Variants in CDK14 observed in about 807,000 individuals in gnomAD.
The protein encoded by CDK14 is cyclin dependent kinase 14.
CDK14 carries 34 observed loss-of-function variants against 60.7 expected under a neutral mutation model. The observed-to-expected ratio is 0.56, with a 90% CI of 0.43 to 0.75. CDK14 has a LOEUF of 0.75. Among genes scored for constraint, CDK14 ranks in the 30% least tolerant of loss-of-function variants. The pLI is 0.00. For synonymous variants in CDK14, 197 were observed against 203.7 expected (o/e 0.97, Z 0.28); for missense variants, 482 against 564.1 (o/e 0.85, Z 1.47).
chr7:90,856,179 A>G (rs1182680258), intron 5 of CDK14, among the ~76,000 whole-genome samples: 1 of 152,220 alleles, frequency 6.6e-6, no homozygotes, highest in East Asian at 1.9e-4. Context: ...AACAAAAAAC[A>G]TCTCTAAATC....
At chr7:91,116,471 A>T (rs1358909273) in intron 13 of CDK14, among the ~76,000 whole-genome samples, 1 of 152,182 alleles carries the variant, frequency 6.6e-6, no homozygotes, top group East Asian at 1.9e-4. Flanking sequence ...GTCTCCAGGG[A>T]CCTTTCTAGC....
rs536380108 is a variant in CDK14 at position 91,061,046 on chromosome 7, G to A, written c.1105+15086G>A. On this transcript the variant is annotated intron_variant, in intron 11 of 14. Coordinates refer to ENST00000380050, the MANE Select transcript of CDK14 (RefSeq NM_001287135.2). ...TCACTTTCAGGTACACCAGTCAGAT[G>A]TACATTTGATCTTTTCACATAGTCA... Among the ~76,000 whole-genome samples the A allele has an allele frequency of 6.6e-5, 10 of 152,268 alleles. 1 individual carries two copies. In the South Asian group the frequency reaches 2.1e-3, roughly 32 times the overall value.
intron 11 of CDK14, among the ~76,000 whole-genome samples, chr7:91,060,226 G>C (rs1797734779): frequency 6.8e-6 from 1 of 147,034 alleles, no homozygotes; most frequent in South Asian, 2.1e-4. Flanking sequence ...TGCAACCCCT[G>C]CCTTTTTTTT....
At chr7:90,630,076 A>G (rs1799960846) in intron 2 of CDK14, among the ~76,000 whole-genome samples, 1 of 74,592 alleles carries the variant, frequency 1.3e-5, no homozygotes. Flanking sequence ...ACAAAACAAA[A>G]CAAAACAAAA....
chr7:90,786,404 G>T (rs981010209), intron 4 of CDK14, among the ~76,000 whole-genome samples: 2 of 152,084 alleles, frequency 1.3e-5, no homozygotes, highest in African/African-American at 2.4e-5. Context: ...CTAATTTATT[G>T]ATTCAATTTG....
chr7:90,747,726 G>A lies in CDK14; in HGVS notation c.415G>A (p.Glu139Lys). 2.5e-6 allele frequency: 4 copies of A among 1,597,092 alleles called. No homozygotes were observed. The highest frequency in any genetic ancestry group is 3.4e-6 in the Non-Finnish European group (4 of 1,174,702). The change falls in exon 4 of 15, where the codon GAA (glutamate) becomes AAA (lysine). Residue 139 changes from glutamate to lysine, a missense_variant. Transcript: ENST00000380050. The stretch of plus-strand genomic sequence containing the variant: ...AAAAGCTGACTCATATGAAAAGCTG[G>A]AAAAACTAGGGGAAGGATCTTATGC... ...FGKADSYEKL[E>K]KLGEGSYATV...
At chr7:90,810,041 A>G (rs548098993) in intron 5 of CDK14, among the ~76,000 whole-genome samples, 1 of 152,338 alleles carries the variant, frequency 6.6e-6, no homozygotes, top group African/African-American at 2.4e-5. Context: ...TACCAGAGGT[A>G]TAAGGAGGAG....
intron 2 of CDK14, among the ~76,000 whole-genome samples, chr7:90,664,500 A>T (rs1245808038): frequency 3.3e-5 from 5 of 152,196 alleles, no homozygotes; most frequent in South Asian, 2.1e-4. Context: ...GTATGTTTAT[A>T]GCGGCACTAT....
chr7:90,857,927 A>G (rs1790880903), intron 5 of CDK14, among the ~76,000 whole-genome samples: 1 of 151,948 alleles, frequency 6.6e-6, no homozygotes, highest in Non-Finnish European at 1.5e-5. Flanking sequence ...CATTAATGCC[A>G]TTTTTCTGCC....
At chr7:90,737,079 A>T (rs1803148051) in intron 3 of CDK14, among the ~76,000 whole-genome samples, 1 of 152,124 alleles carries the variant, frequency 6.6e-6, no homozygotes, top group African/African-American at 2.4e-5. Context: ...TTTTCCTAGG[A>T]CTAGTTCCTG....
intron 2 of CDK14, among the ~76,000 whole-genome samples, chr7:90,718,660 C>A (rs1374677831): frequency 1.3e-5 from 2 of 152,228 alleles, no homozygotes; most frequent in Admixed American, 1.3e-4. Flanking sequence ...TTGCATATAT[C>A]CTTCTATATG....
At chr7:90,977,152 A>G (rs182631631) in intron 9 of CDK14, among the ~76,000 whole-genome samples, 1 of 152,266 alleles carries the variant, frequency 6.6e-6, no homozygotes, top group Admixed American at 6.5e-5. Context: ...TCCGGATAAG[A>G]ATATCCAATT....
intron 12 of CDK14, among the ~76,000 whole-genome samples, chr7:91,091,804 T>C (rs1212248193): frequency 6.6e-6 from 1 of 151,062 alleles, no homozygotes; most frequent in Non-Finnish European, 1.5e-5. Context: ...GATGAGTTTT[T>C]TTTTCTCTCT....
chr7:90,784,164 G>A (rs1412925905), intron 4 of CDK14, among the ~76,000 whole-genome samples: 2 of 152,118 alleles, frequency 1.3e-5, no homozygotes, highest in Admixed American at 1.3e-4. Flanking sequence ...TCGTAAATAA[G>A]CCAAGCACTA....
At chr7:90,794,142 G>A (rs929320485) in intron 5 of CDK14, among the ~76,000 whole-genome samples, 6 of 152,118 alleles carry the variant, frequency 3.9e-5, no homozygotes, top group African/African-American at 1.4e-4. Flanking sequence ...TTTTATTAGT[G>A]ATTTTCAAAA....
intron 2 of CDK14, among the ~76,000 whole-genome samples, chr7:90,689,160 G>C (rs10272859): frequency 0.4 from 60,110 of 151,876 alleles, 12,443 homozygotes; most frequent in East Asian, 0.67. Context: ...TCAAGAATAA[G>C]CAGATATGGC....
At chr7:90,841,928 A>G (rs1490239251) in intron 5 of CDK14, among the ~76,000 whole-genome samples, 1 of 152,118 alleles carries the variant, frequency 6.6e-6, no homozygotes, top group African/African-American at 2.4e-5. Context: ...GCAGCTGAGC[A>G]AGATCACAAG....
intron 14 of CDK14, among the ~76,000 whole-genome samples, chr7:91,179,439 G>T (rs956168633): frequency 6.6e-5 from 10 of 151,158 alleles, no homozygotes; most frequent in African/African-American, 2.4e-4. Flanking sequence ...CACCAGCATG[G>T]CACATGTATA....
intron 4 of CDK14, among the ~76,000 whole-genome samples, chr7:90,754,011 T>C (rs1803954709): frequency 6.6e-6 from 1 of 152,252 alleles, no homozygotes; most frequent in South Asian, 2.1e-4. Context: ...CATTTCGTGC[T>C]TTTGGATTGG....
Sources: gnomAD v4.1 joint callset for allele counts (sites outside exome capture counted in the v4.1 genomes callset) on GRCh38, gnomAD v4.1.1 for gene constraint, MANE v1.5 for transcripts, NCBI Gene and HGNC (gene_info 2026-07-23, HGNC 2026-07-21) for gene names.